PLEKHA7: variants seen among roughly 807,000 people sequenced by gnomAD.
PLEKHA7 encodes the protein pleckstrin homology domain-containing family A member 7.
In PLEKHA7, 104 loss-of-function variants were observed where a neutral mutation model predicts 170.0. That is an observed-to-expected ratio of 0.61 (90% CI 0.52 to 0.72). The LOEUF (loss-of-function observed/expected upper bound fraction) is 0.72, where lower values mean the gene tolerates loss of function less well. PLEKHA7 is among the 30% of genes least tolerant of loss of function. PLEKHA7 has a pLI of 0.00. For synonymous variants in PLEKHA7, 648 were observed against 660.8 expected (o/e 0.98, Z 0.30); for missense variants, 1,615 against 1,671.7 (o/e 0.97, Z 0.59).
intron 7 of PLEKHA7, among the ~76,000 whole-genome samples, chr11:16,851,979 T>G (rs1853004312): frequency 6.6e-6 from 1 of 152,216 alleles, no homozygotes; most frequent in Non-Finnish European, 1.5e-5. Context: ...AGATGGCCAA[T>G]TCAATTCACC....
chr11:17,009,507 T>C (rs1865200098), intron 3 of PLEKHA7, among the ~76,000 whole-genome samples: 1 of 152,202 alleles, frequency 6.6e-6, no homozygotes, highest in Non-Finnish European at 1.5e-5. Context: ...TGTTATATAA[T>C]TATTACTACT....
At position 16,817,779 on chromosome 11, in the gene PLEKHA7, A is replaced by C. The variant is rs1849886601; in HGVS notation, c.1344-457T>G. 6.6e-6 allele frequency among the ~76,000 whole-genome samples: 1 copy of C among 152,168 alleles called. No individual in the cohort carries two copies. Among genetic ancestry groups the C allele is most frequent in the Non-Finnish European group, 1.5e-5 (1 of 68,026 alleles). On this transcript the variant is annotated intron_variant, in intron 10 of 26. Coordinates refer to ENST00000531066, the MANE Select transcript of PLEKHA7 (RefSeq NM_001329630.2). The surrounding 1 kb of genome is among the most constrained non-coding windows in gnomAD (Gnocchi z 4.4). ...TTTTTTCTGGACTCTTCTAGTCCAG[A>C]TACTGATTAATTATCTCCCTCCAGA...
At position 16,851,308 on chromosome 11, in the gene PLEKHA7, G is replaced by C. The variant is rs753340497; in HGVS notation, c.596-17C>G. The stretch of plus-strand genomic sequence containing the variant: ...CTCGGCTGTCTTTGAATGGAAAAAT[G>C]CATCAGAACAACCTTCTGGGCAGTT... On this transcript the variant is annotated splice_polypyrimidine_tract_variant and intron_variant, in intron 7 of 26. Transcript: ENST00000531066. The C allele has an allele frequency of 6.9e-6, 11 of 1,595,932 alleles. No homozygotes were observed. The highest frequency in any genetic ancestry group is 9.4e-6 in the Non-Finnish European group (11 of 1,167,084).
intron 12 of PLEKHA7, chr11:16,815,381 A>G (rs72864013): frequency 0.015 from 2,235 of 152,734 alleles, 26 homozygotes; most frequent in Non-Finnish European, 0.021. Flanking sequence ...TGTCAGTGCC[A>G]GGACAGCACT....
At chr11:16,900,708 A>G (rs1421435920) in intron 3 of PLEKHA7, among the ~76,000 whole-genome samples, 1 of 152,184 alleles carries the variant, frequency 6.6e-6, no homozygotes, top group African/African-American at 2.4e-5. Context: ...GCTTTGAGGA[A>G]TGGCTCAATT....
chr11:16,933,122 C>T (rs1438779170), intron 3 of PLEKHA7, among the ~76,000 whole-genome samples: 9 of 152,334 alleles, frequency 5.9e-5, no homozygotes, highest in East Asian at 3.9e-4. Context: ...AATAGTTACT[C>T]GGTGCTTAGC....
intron 3 of PLEKHA7, among the ~76,000 whole-genome samples, chr11:16,967,742 C>T (rs1437276257): frequency 6.6e-6 from 1 of 152,148 alleles, no homozygotes; most frequent in African/African-American, 2.4e-5. Context: ...GCCAGGAGCC[C>T]AGAATGAGCA....
intron 9 of PLEKHA7, among the ~76,000 whole-genome samples, chr11:16,833,649 G>C (rs1051038633): frequency 6.6e-6 from 1 of 152,172 alleles, no homozygotes; most frequent in African/African-American, 2.4e-5. Flanking sequence ...ATCTGTCATG[G>C]ACAACCTGCA....
In PLEKHA7 at chr11:17,014,120, C is replaced by T. The variant is rs1469861304; in HGVS notation, c.163+5G>A. 6.2e-7 allele frequency: 1 copy of T among 1,600,052 alleles called. No homozygotes were observed. The highest frequency in any genetic ancestry group is 1.1e-5 in the South Asian group (1 of 89,382). Reference sequence around the variant, plus strand: ...GCGCCCCCCACCCGCCGGCCCGGCGCCCACCTGAGCGGATCATGTGGCCCG... The same window carrying T: ...GCGCCCCCCACCCGCCGGCCCGGCGTCCACCTGAGCGGATCATGTGGCCCG... On this transcript the variant is annotated splice_donor_5th_base_variant and intron_variant, in intron 2 of 26. Coordinates refer to ENST00000531066, the MANE Select transcript of PLEKHA7 (RefSeq NM_001329630.2).
At chr11:16,982,054 AG>A (rs1458007433) in intron 3 of PLEKHA7, among the ~76,000 whole-genome samples, 2 of 152,258 alleles carry the variant, frequency 1.3e-5, no homozygotes, top group Non-Finnish European at 2.9e-5. Flanking sequence ...CAGCAGCGTG[AG>A]GCAGGTCTGC....
At chr11:16,960,219 C>T (rs1270694647) in intron 3 of PLEKHA7, among the ~76,000 whole-genome samples, 1 of 152,190 alleles carries the variant, frequency 6.6e-6, no homozygotes, top group Non-Finnish European at 1.5e-5. Flanking sequence ...ATAGCACCCC[C>T]ACCAGCTCCC....
intron 3 of PLEKHA7, among the ~76,000 whole-genome samples, chr11:16,908,256 TAAA>T (rs56085929): frequency 9.6e-6 from 1 of 104,530 alleles, no homozygotes; most frequent in African/African-American, 3.3e-5. Context: ...GAATGATCAA[TAAA>T]AAAAAAAAAA....
At chr11:16,845,597 G>A (rs1852331165) in intron 8 of PLEKHA7, among the ~76,000 whole-genome samples, 1 of 152,104 alleles carries the variant, frequency 6.6e-6, no homozygotes, top group South Asian at 2.1e-4. Flanking sequence ...GAACTCCTGG[G>A]CTCAAGTGAT....
At chr11:16,889,420 A>AAAAAAAATATATATAT (rs61086849) in intron 3 of PLEKHA7, among the ~76,000 whole-genome samples, 9 of 74,662 alleles carry the variant, frequency 1.2e-4, no homozygotes, top group Non-Finnish European at 1.4e-4. Context: ...AAAAAAAAAA[A>AAAAAAAATATATATAT]ATATATATAT....
At chr11:16,875,985 C>T (rs910741912) in intron 3 of PLEKHA7, among the ~76,000 whole-genome samples, 7 of 150,468 alleles carry the variant, frequency 4.7e-5, no homozygotes. Flanking sequence ...ACACCACCAC[C>T]CTTTTGATCT....
chr11:16,847,526 G>A (rs1454347406), intron 8 of PLEKHA7, among the ~76,000 whole-genome samples: 2 of 142,644 alleles, frequency 1.4e-5, no homozygotes, highest in African/African-American at 2.5e-5. Flanking sequence ...CTGGGGCCTC[G>A]TGAATCACAA....
intron 3 of PLEKHA7, among the ~76,000 whole-genome samples, chr11:16,957,273 G>T (rs1422398901): frequency 1.3e-5 from 2 of 152,180 alleles, no homozygotes; most frequent in Non-Finnish European, 2.9e-5. Flanking sequence ...TAAAAAACTG[G>T]AAACAATCTC....
chr11:17,013,949 C>CT lies in PLEKHA7; in HGVS notation c.221+39_221+40insA, dbSNP rs748749213. On this transcript the variant is annotated intron_variant, in intron 3 of 26. Coordinates refer to ENST00000531066, the MANE Select transcript of PLEKHA7 (RefSeq NM_001329630.2). ...GCGGGAACGGGGAGGGACCCCCCCC[C>CT]CGCGGCACAGGTGCGAGCGCGGCGG... 482 of 1,511,040 alleles carry CT rather than the reference C, an allele frequency of 3.2e-4. 1 individual carries two copies. Among genetic ancestry groups the CT allele is most frequent in the Middle Eastern group, 4.5e-4 (2 of 4,406 alleles). The allele number at this position is 1,511,040 out of a possible 1,614,324, so 93.6% of individuals were successfully genotyped here.
At chr11:16,785,650 G>T (rs961306847) in intron 24 of PLEKHA7, among the ~76,000 whole-genome samples, 2 of 152,102 alleles carry the variant, frequency 1.3e-5, no homozygotes, top group African/African-American at 4.8e-5. Flanking sequence ...AGAGATCCAG[G>T]AGTTACTTGC....
Sources: gnomAD v4.1 joint callset for allele counts (sites outside exome capture counted in the v4.1 genomes callset) on GRCh38, gnomAD v4.1.1 for gene constraint, Gnocchi (gnomAD v3.1) non-coding constraint, MANE v1.5 for transcripts, NCBI Gene and HGNC (gene_info 2026-07-23, HGNC 2026-07-21) for gene names.